The following VSTM4 variants were observed in gnomAD, a reference collection of about 807,000 sequenced individuals.
VSTM4 encodes the protein V-set and transmembrane domain-containing protein 4.
Under a neutral mutation model 36.4 loss-of-function variants are expected in VSTM4, and 20 were observed. That is an observed-to-expected ratio of 0.55 (90% CI 0.39 to 0.80). VSTM4 has a LOEUF of 0.80. Among genes scored for constraint, VSTM4 ranks in the 30% least tolerant of loss-of-function variants. The probability of loss-of-function intolerance (pLI) is 0.00; values close to 1 mark genes in which losing one functional copy is unlikely to be tolerated. For synonymous variants in VSTM4, 182 were observed against 173.9 expected (o/e 1.05, Z -0.37); for missense variants, 392 against 404.5 (o/e 0.97, Z 0.26).
Position 49,016,862 on chromosome 10 carries a change from A to G in VSTM4, c.*2788T>C, listed in dbSNP as rs1326528263. 1 of 152,294 alleles carries G rather than the reference A, an allele frequency of 6.6e-6. No homozygotes were observed. The highest frequency in any genetic ancestry group is 1.5e-5 in the Non-Finnish European group (1 of 68,082). 9.4% of individuals were successfully genotyped at this position (152,294 alleles called of 1,614,324 possible). The stretch of plus-strand genomic sequence containing the variant: ...GTTTCACCCAGGTGGATGCCCCTTC[A>G]TACCTCCCGGCTTCCTGTGCTGACT... On this transcript the variant is annotated 3_prime_UTR_variant, in exon 8 of 8. Coordinates refer to ENST00000332853, the MANE Select transcript of VSTM4 (RefSeq NM_001031746.5).
intron 2 of VSTM4, among the ~76,000 whole-genome samples, chr10:49,095,702 C>G (rs1844558048): frequency 6.6e-6 from 1 of 152,118 alleles, no homozygotes; most frequent in South Asian, 2.1e-4. Context: ...GTCCTCATCT[C>G]CCTTACTCCC....
In VSTM4 at chr10:49,103,546, T is replaced by C. The variant is rs978389594; in HGVS notation, c.457+4048A>G. 6.0e-6 allele frequency: 8 copies of C among 1,327,812 alleles called. No homozygotes were observed. In the South Asian group the frequency reaches 9.0e-5, roughly 15 times the overall value. The allele number at this position is 1,327,812 out of a possible 1,614,324, so 82.3% of individuals were successfully genotyped here. A position where few individuals can be genotyped will look rare whatever the true frequency, so the allele number is the denominator to read the frequency against. ...TTTGCAATAGAAAACAACCAACATATGGAAATCAGGACAGATAATAAGAGC... is the reference window on the plus strand; with the variant it reads ...TTTGCAATAGAAAACAACCAACATACGGAAATCAGGACAGATAATAAGAGC... On this transcript the variant is annotated intron_variant, in intron 2 of 7. Transcript: ENST00000332853.
At chr10:49,041,686 AC>A in intron 7 of VSTM4, among the ~76,000 whole-genome samples, 1 of 152,358 alleles carries the variant, frequency 6.6e-6, no homozygotes, top group South Asian at 2.1e-4. Flanking sequence ...AGGTGGGTCC[AC>A]CCAGGCTATG....
chr10:49,054,079 G>C (rs1843739303), intron 5 of VSTM4, among the ~76,000 whole-genome samples: 1 of 152,190 alleles, frequency 6.6e-6, no homozygotes, highest in South Asian at 2.1e-4. Context: ...TTGCAAAAAT[G>C]GGGCCTCAGA....
chr10:49,072,245 C>T (rs1229616289), intron 4 of VSTM4, among the ~76,000 whole-genome samples: 1 of 152,116 alleles, frequency 6.6e-6, no homozygotes, highest in Non-Finnish European at 1.5e-5. Context: ...AGAGCTGGTA[C>T]CTGCCAGAGC....
chr10:49,055,067 A>T (rs867746437), intron 5 of VSTM4, among the ~76,000 whole-genome samples: 2 of 152,158 alleles, frequency 1.3e-5, no homozygotes, highest in East Asian at 3.9e-4. Flanking sequence ...TCACACTCCA[A>T]AGGGATGTAT....
Position 49,017,792 on chromosome 10 carries a change from C to T in VSTM4, c.*1858G>A, listed in dbSNP as rs944556500. On this transcript the variant is annotated 3_prime_UTR_variant, in exon 8 of 8. Coordinates refer to ENST00000332853, the MANE Select transcript of VSTM4 (RefSeq NM_001031746.5). Reference sequence around the variant, plus strand: ...GCAAATTAGGAGATCATCCTCTGCCCTCAAAACACTATACATCTGTCAGAA... The same window carrying T: ...GCAAATTAGGAGATCATCCTCTGCCTTCAAAACACTATACATCTGTCAGAA... 2 of 152,138 alleles carry T rather than the reference C, an allele frequency of 1.3e-5. No homozygotes were observed. The highest frequency in any genetic ancestry group is 1.3e-4 in the Admixed American group (2 of 15,272). The allele number at this position is 152,138 out of a possible 1,614,324, so 9.4% of individuals were successfully genotyped here.
chr10:49,104,292 ACT>A (rs1290330773), intron 2 of VSTM4, among the ~76,000 whole-genome samples: 1 of 150,976 alleles, frequency 6.6e-6, no homozygotes, highest in Admixed American at 6.7e-5. Flanking sequence ...GAGCAAGGAG[ACT>A]CTGTCTCAAA....
chr10:49,079,871 A>G (rs181618230), intron 3 of VSTM4, among the ~76,000 whole-genome samples: 2 of 152,358 alleles, frequency 1.3e-5, no homozygotes, highest in African/African-American at 4.8e-5. Context: ...TATTTGGTAT[A>G]CTTTATGATG....
chr10:49,112,031 G>C (rs1314688886), intron 1 of VSTM4, among the ~76,000 whole-genome samples: 1 of 152,164 alleles, frequency 6.6e-6, no homozygotes, highest in Non-Finnish European at 1.5e-5. Flanking sequence ...GAGGCAAGAG[G>C]GACCCTGTAC....
chr10:49,077,152 G>C (rs974332198), intron 4 of VSTM4, 67 bp downstream of exon 4: 26 of 1,506,780 alleles, frequency 1.7e-5, no homozygotes, highest in Middle Eastern at 2.3e-4. Context: ...ACTTTGTCTA[G>C]CATCTTCCGC....
At chr10:49,108,970 C>T (rs1053737859) in intron 1 of VSTM4, among the ~76,000 whole-genome samples, 3 of 152,208 alleles carry the variant, frequency 2.0e-5, no homozygotes, top group Non-Finnish European at 4.4e-5. Context: ...CCGGTGCTCA[C>T]AGCACAGCCC....
chr10:49,093,368 G>T (rs779450057), intron 2 of VSTM4, among the ~76,000 whole-genome samples: 1 of 152,180 alleles, frequency 6.6e-6, no homozygotes. Context: ...CTGGTAGGGG[G>T]ACAAGGGAAC....
At chr10:49,102,714 A>C (rs1286796079) in intron 2 of VSTM4, 3 of 985,486 alleles carry the variant, frequency 3.0e-6, no homozygotes, top group Non-Finnish European at 3.6e-6. Context: ...AGTCACGCCT[A>C]CTTCAAAGTC....
At chr10:49,096,480 T>A (rs1353449361) in intron 2 of VSTM4, among the ~76,000 whole-genome samples, 1 of 152,204 alleles carries the variant, frequency 6.6e-6, no homozygotes, top group African/African-American at 2.4e-5. Flanking sequence ...AGACATCCCT[T>A]GCAAATTGCT....
chr10:49,093,202 A>G (rs1054028618), intron 2 of VSTM4, among the ~76,000 whole-genome samples: 5 of 152,118 alleles, frequency 3.3e-5, no homozygotes, highest in Non-Finnish European at 7.4e-5. Context: ...AGAGCACCCC[A>G]TAACACATGC....
intron 7 of VSTM4, among the ~76,000 whole-genome samples, chr10:49,033,293 A>G (rs117308532): frequency 0.018 from 2,742 of 152,338 alleles, 77 homozygotes; most frequent in South Asian, 0.12. Context: ...ACCTGTGAAC[A>G]CTGTGTAAAG....
intron 3 of VSTM4, among the ~76,000 whole-genome samples, chr10:49,082,197 A>G (rs1450732334): frequency 6.6e-6 from 1 of 152,188 alleles, no homozygotes; most frequent in Non-Finnish European, 1.5e-5. Flanking sequence ...AGATCTTCCA[A>G]TTCATCCTTT....
intron 4 of VSTM4, among the ~76,000 whole-genome samples, chr10:49,069,622 C>T (rs1373553751): frequency 3.3e-5 from 5 of 152,230 alleles, no homozygotes; most frequent in Non-Finnish European, 1.5e-5. Context: ...TCCACCATGT[C>T]AGGCCCCAGA....
Sources: gnomAD v4.1 joint callset for allele counts (sites outside exome capture counted in the v4.1 genomes callset) on GRCh38, gnomAD v4.1.1 for gene constraint, MANE v1.5 for transcripts, NCBI Gene and HGNC (gene_info 2026-07-23, HGNC 2026-07-21) for gene names.